Variants in TERF2IP observed in about 807,000 individuals in gnomAD.
TERF2IP encodes the protein telomeric repeat-binding factor 2-interacting protein 1.
Under a neutral mutation model 33.3 loss-of-function variants are expected in TERF2IP, and 35 were observed. The observed-to-expected ratio is 1.05, with a 90% CI of 0.80 to 1.39. TERF2IP has a LOEUF of 1.39. Among genes scored for constraint, TERF2IP ranks in the 40% most tolerant of loss-of-function variants. The probability of loss-of-function intolerance (pLI) is 0.00; values close to 1 mark genes in which losing one functional copy is unlikely to be tolerated. For missense variants in TERF2IP, 583 were observed against 524.8 expected, an observed-to-expected ratio of 1.11 and a Z score of -1.08; for synonymous variants, 253 against 223.2, an observed-to-expected ratio of 1.13 and a Z score of -1.19.
chr16:75,653,757 G>A (rs540264406), intron 1 of TERF2IP, among the ~76,000 whole-genome samples: 5 of 152,264 alleles, frequency 3.3e-5, no homozygotes, highest in Admixed American at 3.3e-4. Flanking sequence ...AGCTTGGTCA[G>A]TTCTGAAGGG....
At chr16:75,654,147 G>C in intron 1 of TERF2IP, 126 bp from the exon 2 acceptor site, 1 of 529,002 alleles carries the variant, frequency 1.9e-6, no homozygotes, top group Non-Finnish European at 2.7e-6. Context: ...TCTTCTGATA[G>C]TAAAAAAAAA....
intron 1 of TERF2IP, among the ~76,000 whole-genome samples, chr16:75,653,465 T>C (rs2082361660): frequency 6.6e-6 from 1 of 152,198 alleles, no homozygotes; most frequent in South Asian, 2.1e-4. Context: ...AACAATTCCA[T>C]CACGAAAAAC....
intron 2 of TERF2IP, among the ~76,000 whole-genome samples, chr16:75,655,842 A>G (rs188647562): frequency 8.5e-5 from 13 of 152,308 alleles, no homozygotes; most frequent in African/African-American, 3.1e-4. Context: ...TAACAAATCT[A>G]ATGAACATGT....
At chr16:75,653,098 T>G (rs2082359071) in intron 1 of TERF2IP, among the ~76,000 whole-genome samples, 1 of 152,248 alleles carries the variant, frequency 6.6e-6, no homozygotes, top group African/African-American at 2.4e-5. Context: ...AGAATTTGAT[T>G]CCTTTTTAAA....
In TERF2IP at chr16:75,648,275, C is replaced by T; in HGVS notation, c.393C>T (p.Ala131=). 1.3e-6 allele frequency: 2 copies of T among 1,549,728 alleles called. No homozygotes were observed. Among genetic ancestry groups the T allele is most frequent in the African/African-American group, 1.4e-5 (1 of 73,294 alleles). The change falls in exon 1 of 3, where the codon GCC becomes GCT. Residue 131 remains alanine, a synonymous_variant. Coordinates refer to ENST00000300086, the MANE Select transcript of TERF2IP (RefSeq NM_018975.4). ...CGGAGCCGGAGCCGCAGCGGCACGC[C>T]GGGCGGATCGCCTTCACGGATGCGG... ...GAAEPEPQRH[A]GRIAFTDADD... is the part of the protein sequence containing the mutation.
chr16:75,647,858 C>T lies in TERF2IP; in HGVS notation c.-25C>T, dbSNP rs2233810. 1 of 1,601,246 alleles carries T rather than the reference C, an allele frequency of 6.2e-7. No individual in the cohort carries two copies. Among genetic ancestry groups the T allele is most frequent in the Non-Finnish European group, 8.5e-7 (1 of 1,171,692 alleles). On this transcript the variant is annotated 5_prime_UTR_variant, in exon 1 of 3. Coordinates refer to ENST00000300086, the MANE Select transcript of TERF2IP (RefSeq NM_018975.4). The stretch of plus-strand genomic sequence containing the variant: ...GCCAGGCGCTCGCGAGGGGGTAGCT[C>T]TTCTAGTAGTGCTCGGCGTCAGACA...
intron 1 of TERF2IP, among the ~76,000 whole-genome samples, chr16:75,649,624 G>A (rs1040316679): frequency 1.3e-5 from 2 of 152,076 alleles, no homozygotes; most frequent in Non-Finnish European, 2.9e-5. Flanking sequence ...TCTTTTAAGA[G>A]ATATTCCACA....
In TERF2IP at chr16:75,648,061, G is replaced by A. The variant is rs1414138559; in HGVS notation, c.179G>A (p.Gly60Glu). ...ACCGTGTGCCGAGTGCAGGAGCCCG[G>A]GGCCGTGCTGCTGGCCCAGCCCGGG... is the stretch of plus-strand genomic sequence containing the variant. ...GGTVCRVQEPGAVLLAQPGEA... is the reference protein window; with the variant it reads ...GGTVCRVQEPEAVLLAQPGEA... Residue 60 changes from glycine to glutamate, a missense_variant, in exon 1 of 3, where the codon GGG (glycine) becomes GAG (glutamate). Coordinates refer to ENST00000300086, the MANE Select transcript of TERF2IP (RefSeq NM_018975.4). 1.9e-6 allele frequency: 3 copies of A among 1,592,460 alleles called. No homozygotes were observed. The highest frequency in any genetic ancestry group is 1.8e-5 in the Admixed American group (1 of 56,026).
intron 1 of TERF2IP, among the ~76,000 whole-genome samples, chr16:75,653,877 A>C (rs186795059): frequency 1.7e-3 from 252 of 152,294 alleles, no homozygotes; most frequent in African/African-American, 5.8e-3. Flanking sequence ...AGGTTTTCCC[A>C]AAATCACTTC....
At chr16:75,655,209 A>T (rs2082376053) in intron 2 of TERF2IP, among the ~76,000 whole-genome samples, 1 of 152,136 alleles carries the variant, frequency 6.6e-6, no homozygotes, top group Non-Finnish European at 1.5e-5. Flanking sequence ...TTATCAAGCA[A>T]ATTTAGCTTT....
At chr16:75,648,684 T>A (rs1453689642) in intron 1 of TERF2IP, 132 bp downstream of exon 1, 5 of 1,433,740 alleles carry the variant, frequency 3.5e-6, no homozygotes, top group Non-Finnish European at 4.6e-6. Flanking sequence ...GACATCCGGG[T>A]AAATTTGCAC....
intron 2 of TERF2IP, among the ~76,000 whole-genome samples, chr16:75,655,835 C>A (rs2082380397): frequency 6.6e-6 from 1 of 152,122 alleles, no homozygotes; most frequent in African/African-American, 2.4e-5. Flanking sequence ...AAACATTTAA[C>A]AAATCTAATG....
chr16:75,654,182 T>G, intron 1 of TERF2IP, 91 bp from the exon 2 acceptor site: 3 of 705,084 alleles, frequency 4.3e-6, no homozygotes, highest in Non-Finnish European at 6.0e-6. Flanking sequence ...AAGTGCAGGC[T>G]CACTCCTGGC....
chr16:75,654,234 G>A (rs372525697), intron 1 of TERF2IP, 39 bp from the exon 2 acceptor site: 4 of 1,511,170 alleles, frequency 2.6e-6, no homozygotes, highest in Non-Finnish European at 3.6e-6. Flanking sequence ...TTATGTAAAA[G>A]AGGCTATTGC....
At chr16:75,654,537 A>C (rs756181494) in intron 2 of TERF2IP, 140 bp downstream of exon 2, 72 of 916,278 alleles carry the variant, frequency 7.9e-5, no homozygotes, top group Non-Finnish European at 1.0e-4. Context: ...AAAATGGAAA[A>C]TGGGACTGAT....
At chr16:75,650,152 G>C (rs79397477) in intron 1 of TERF2IP, among the ~76,000 whole-genome samples, 1,914 of 152,284 alleles carry the variant, frequency 0.013, 50 homozygotes, top group African/African-American at 0.043. Flanking sequence ...AAGTCCCTGT[G>C]GTCCTGGAGC....
intron 2 of TERF2IP, among the ~76,000 whole-genome samples, chr16:75,655,886 C>T (rs1266562510): frequency 6.6e-6 from 1 of 152,100 alleles, no homozygotes; most frequent in Non-Finnish European, 1.5e-5. Flanking sequence ...TTTATATATA[C>T]ATATATTTTT....
At chr16:75,656,015 A>G (rs1037252416) in intron 2 of TERF2IP, among the ~76,000 whole-genome samples, 192 bp from the exon 3 acceptor site, 6 of 152,122 alleles carry the variant, frequency 3.9e-5, no homozygotes, top group Admixed American at 1.3e-4. Context: ...GCACACACAC[A>G]CGCGTGTACA....
rs765692177 is a variant in TERF2IP at position 75,647,898 on chromosome 16, G to A, written c.16G>A (p.Asp6Asn). The part of the protein sequence containing the change: MAEAM[D>N]LGKDPNGPTH... ...GGCGTCAGACATGGCGGAGGCGATGGATTTGGGCAAAGACCCCAACGGGCC... is the reference window on the plus strand; with the variant it reads ...GGCGTCAGACATGGCGGAGGCGATGAATTTGGGCAAAGACCCCAACGGGCC... The change falls in exon 1 of 3, where the codon GAT becomes AAT. Residue 6 changes from aspartate to asparagine, a missense_variant. Coordinates refer to ENST00000300086, the MANE Select transcript of TERF2IP (RefSeq NM_018975.4). The A allele has an allele frequency of 3.1e-6, 5 of 1,607,034 alleles. No individual in the cohort carries two copies. In the South Asian group the frequency reaches 5.5e-5, roughly 18 times the overall value.
Sources: gnomAD v4.1 joint callset for allele counts (sites outside exome capture counted in the v4.1 genomes callset) on GRCh38, gnomAD v4.1.1 for gene constraint, MANE v1.5 for transcripts, NCBI Gene and HGNC (gene_info 2026-07-23, HGNC 2026-07-21) for gene names.